Variants in SIPA1L3 observed in about 807,000 individuals in gnomAD.
SIPA1L3 encodes signal induced proliferation associated 1 like 3, also known as signal-induced proliferation-associated 1-like protein 3.
A neutral mutation model predicts 150.1 loss-of-function variants in SIPA1L3; 59 were observed. The ratio of observed to expected loss-of-function variants is 0.39; its 90% CI spans 0.32 to 0.49. The LOEUF is 0.49. Ranked by LOEUF, SIPA1L3 falls within the 20% of genes least tolerant of loss-of-function variation. The pLI is 0.86. For missense variants in SIPA1L3, 2,211 were observed against 2,489.5 expected, an observed-to-expected ratio of 0.89 and a Z score of 2.38; for synonymous variants, 1,070 against 1,077.6, an observed-to-expected ratio of 0.99 and a Z score of 0.14.
chr19:38,139,520 G>A (rs8111180), intron 10 of SIPA1L3, among the ~76,000 whole-genome samples: 100,247 of 151,956 alleles, frequency 0.66, 34,549 homozygotes, highest in African/African-American at 0.86. Context: ...TCTGATAGAC[G>A]TTCATATTGT....
intron 1 of SIPA1L3, among the ~76,000 whole-genome samples, chr19:37,978,053 A>G (rs1346285088): frequency 1.3e-5 from 2 of 152,320 alleles, no homozygotes; most frequent in African/African-American, 2.4e-5. Context: ...TGCACACAGT[A>G]GGTGTTTAAT....
At chr19:38,124,749 C>T (rs1044326107) in intron 9 of SIPA1L3, among the ~76,000 whole-genome samples, 25 of 152,226 alleles carry the variant, frequency 1.6e-4, no homozygotes, top group Admixed American at 3.9e-4. Flanking sequence ...TCTGCAATCC[C>T]GGCACCTCGG....
intron 13 of SIPA1L3, among the ~76,000 whole-genome samples, chr19:38,155,805 A>C (rs184787406): frequency 1.3e-5 from 2 of 152,282 alleles, no homozygotes; most frequent in Non-Finnish European, 2.9e-5. Context: ...CTCTTAAACC[A>C]GAGACAGTGT....
At chr19:38,108,923 A>G (rs1970679542) in intron 7 of SIPA1L3, among the ~76,000 whole-genome samples, 2 of 152,174 alleles carry the variant, frequency 1.3e-5, no homozygotes, top group Non-Finnish European at 2.9e-5. Context: ...CAGGAGGTGC[A>G]GGTTGCAGTG....
Position 38,153,051 on chromosome 19 carries a change from C to A in SIPA1L3, c.3661+84C>A. On this transcript the variant is annotated intron_variant, in intron 13 of 21. Coordinates refer to ENST00000222345, the MANE Select transcript of SIPA1L3 (RefSeq NM_015073.3). Reference sequence around the variant, plus strand: ...CTTAGAGCTTGACAGGCAACACTCCCCCTCTTGTGAGTGACGGATAAAACA... The same window carrying A: ...CTTAGAGCTTGACAGGCAACACTCCACCTCTTGTGAGTGACGGATAAAACA... 5.4e-6 allele frequency: 8 copies of A among 1,494,012 alleles called. No individual in the cohort carries two copies. The South Asian group carries it at 1.0e-4, about 19-fold the overall frequency. The allele number at this position is 1,494,012 out of a possible 1,614,324, so 92.5% of individuals were successfully genotyped here. A position where few individuals can be genotyped will look rare whatever the true frequency, so the allele number is the denominator to read the frequency against.
chr19:37,989,369 G>A (rs144563633), intron 1 of SIPA1L3, among the ~76,000 whole-genome samples: 3 of 152,128 alleles, frequency 2.0e-5, no homozygotes, highest in East Asian at 1.9e-4. Context: ...ACAGGTGTGC[G>A]CCATCACTCC....
At chr19:37,940,571 G>A (rs2046645218) in intron 1 of SIPA1L3, among the ~76,000 whole-genome samples, 1 of 151,976 alleles carries the variant, frequency 6.6e-6, no homozygotes, top group Non-Finnish European at 1.5e-5. Flanking sequence ...GTTCCAATCA[G>A]GACCCAACAG....
chr19:38,012,274 G>A (rs930603016), intron 1 of SIPA1L3, among the ~76,000 whole-genome samples: 22 of 151,706 alleles, frequency 1.5e-4, no homozygotes, highest in African/African-American at 4.8e-4. Context: ...TGGTAGAGAT[G>A]GGGGTCTCAC....
chr19:37,907,798 C>T (rs1421069547), intron 1 of SIPA1L3: 1 of 152,210 alleles, frequency 6.6e-6, no homozygotes, highest in African/African-American at 2.4e-5. Context: ...AAGATGTTAT[C>T]GATTGCATAG....
At chr19:38,101,807 C>T (rs1157542786) in intron 6 of SIPA1L3, among the ~76,000 whole-genome samples, 1 of 152,196 alleles carries the variant, frequency 6.6e-6, no homozygotes, top group African/African-American at 2.4e-5. Flanking sequence ...GGTATGCACT[C>T]TGTCTAATGT....
chr19:37,991,429 A>T (rs1055780613), intron 1 of SIPA1L3, among the ~76,000 whole-genome samples: 3 of 152,166 alleles, frequency 2.0e-5, no homozygotes, highest in Non-Finnish European at 4.4e-5. Context: ...CATGGAAAGG[A>T]GCAGACATTC....
chr19:38,029,565 C>G (rs1376729261), intron 2 of SIPA1L3, among the ~76,000 whole-genome samples: 1 of 152,160 alleles, frequency 6.6e-6, no homozygotes, highest in Non-Finnish European at 1.5e-5. Flanking sequence ...AATTTTTAAA[C>G]TTTACATAGA....
Position 38,081,398 on chromosome 19 carries a change from G to A in SIPA1L3, c.-168G>A, listed in dbSNP as rs868045201. 1.4e-5 allele frequency: 9 copies of A among 637,108 alleles called. No individual in the cohort carries two copies. Among genetic ancestry groups the A allele is most frequent in the Middle Eastern group, 4.3e-4 (1 of 2,330 alleles). The allele number at this position is 637,108 out of a possible 1,614,324, so 39.5% of individuals were successfully genotyped here. Reference sequence around the variant, plus strand: ...TTGTCCTGGCTCAGCTGTGCACAGCGATGGTGGAGAACTGGACTCCACAGG... The same window carrying A: ...TTGTCCTGGCTCAGCTGTGCACAGCAATGGTGGAGAACTGGACTCCACAGG... On this transcript the variant is annotated 5_prime_UTR_variant, in exon 3 of 22. Transcript: ENST00000222345.
intron 8 of SIPA1L3, 101 bp downstream of exon 8, chr19:38,110,485 G>T (rs1970714557): frequency 2.1e-6 from 2 of 964,652 alleles, no homozygotes; most frequent in East Asian, 5.1e-5. Context: ...CTCACGTTGT[G>T]CTTCAGGAGA....
chr19:37,943,349 C>T (rs919786915), intron 1 of SIPA1L3, among the ~76,000 whole-genome samples: 11 of 152,126 alleles, frequency 7.2e-5, no homozygotes, highest in Admixed American at 3.3e-4. Flanking sequence ...AGTCCGACCA[C>T]GCTCTCTTCT....
intron 1 of SIPA1L3, among the ~76,000 whole-genome samples, chr19:37,933,300 C>T (rs577729263): frequency 1.3e-5 from 2 of 152,182 alleles, no homozygotes; most frequent in South Asian, 2.1e-4. Flanking sequence ...AATTCCCCAG[C>T]GCCGCCTCCC....
chr19:38,193,470 T>G, intron 17 of SIPA1L3, 67 bp from the exon 18 acceptor site: 4 of 1,396,442 alleles, frequency 2.9e-6, no homozygotes, highest in Non-Finnish European at 3.7e-6. Context: ...GAGGGGAAGA[T>G]GCCTCTGAGG....
chr19:37,988,299 G>T (rs1382663921), intron 1 of SIPA1L3, among the ~76,000 whole-genome samples: 1 of 152,140 alleles, frequency 6.6e-6, no homozygotes, highest in African/African-American at 2.4e-5. Flanking sequence ...TGGGAGGATT[G>T]CTGGAACCCA....
chr19:38,202,253 T>G (rs1973104196), intron 20 of SIPA1L3, among the ~76,000 whole-genome samples: 1 of 152,200 alleles, frequency 6.6e-6, no homozygotes, highest in South Asian at 2.1e-4. Context: ...AGACGACACT[T>G]GAATCAATAC....
Sources: allele counts gnomAD v4.1 joint callset (sites outside exome capture counted in the v4.1 genomes callset), GRCh38; gene constraint gnomAD v4.1.1; transcripts MANE v1.5; gene names NCBI Gene and HGNC (gene_info 2026-07-23, HGNC 2026-07-21).